Variants in NLGN1 observed in about 807,000 individuals in gnomAD.
The protein encoded by NLGN1 is neuroligin 1.
Under a neutral mutation model 65.5 loss-of-function variants are expected in NLGN1, and 12 were observed. That is an observed-to-expected ratio of 0.18 (90% CI 0.12 to 0.30). The LOEUF (loss-of-function observed/expected upper bound fraction) is 0.30, where lower values mean the gene tolerates loss of function less well. Ranked by LOEUF, NLGN1 falls within the 10% of genes least tolerant of loss-of-function variation. The pLI is 1.00. For synonymous variants in NLGN1, 350 were observed against 359.5 expected, an observed-to-expected ratio of 0.97 and a Z score of 0.30; for missense variants, 750 against 1,007.1, an observed-to-expected ratio of 0.74 and a Z score of 3.46.
At chr3:174,082,271 A>T (rs1227439598) in intron 4 of NLGN1, among the ~76,000 whole-genome samples, 2 of 152,108 alleles carry the variant, frequency 1.3e-5, no homozygotes, top group Non-Finnish European at 2.9e-5. Flanking sequence ...TGACATGACT[A>T]CCCAGCACTC....
chr3:173,941,962 T>C (rs1746174445), intron 4 of NLGN1, among the ~76,000 whole-genome samples: 2 of 152,090 alleles, frequency 1.3e-5, no homozygotes, highest in South Asian at 4.2e-4. Flanking sequence ...CCACAGATGC[T>C]ATGGGGCACT....
chr3:173,870,756 G>C (rs983868657), intron 4 of NLGN1, among the ~76,000 whole-genome samples: 7 of 152,166 alleles, frequency 4.6e-5, no homozygotes, highest in African/African-American at 1.7e-4. Context: ...AGTACACTGT[G>C]ATCGAATGAA....
At chr3:173,787,940 AG>A (rs1168274134) in intron 3 of NLGN1, among the ~76,000 whole-genome samples, 1 of 152,200 alleles carries the variant, frequency 6.6e-6, no homozygotes, top group Admixed American at 6.5e-5. Context: ...AGAACATTGA[AG>A]CTGGTGAGTA....
At chr3:173,600,223 A>ACACACACG (rs1166206429) in intron 2 of NLGN1, among the ~76,000 whole-genome samples, 17 of 151,896 alleles carry the variant, frequency 1.1e-4, no homozygotes, top group Non-Finnish European at 1.8e-4. Context: ...ACACACACAC[A>ACACACACG]CACGTGTATG....
intron 4 of NLGN1, 147 bp from the exon 5 acceptor site, chr3:174,275,168 A>ATTC (rs886459534): frequency 2.6e-5 from 16 of 621,334 alleles, no homozygotes; most frequent in African/African-American, 1.7e-4. Flanking sequence ...GCTAAAGTAA[A>ATTC]TTCTTTTGTT....
chr3:174,007,786 A>G (rs1033425394), intron 4 of NLGN1, among the ~76,000 whole-genome samples: 1 of 152,348 alleles, frequency 6.6e-6, no homozygotes, highest in Admixed American at 6.5e-5. Context: ...TGCATATCTG[A>G]ACATGCAGTT....
chr3:173,647,851 C>T (rs1758519530), intron 3 of NLGN1, among the ~76,000 whole-genome samples: 1 of 151,818 alleles, frequency 6.6e-6, no homozygotes, highest in African/African-American at 2.4e-5. Flanking sequence ...TTGTTAAAGG[C>T]CTGTATTCTG....
intron 4 of NLGN1, among the ~76,000 whole-genome samples, chr3:174,077,153 T>G (rs1398556233): frequency 6.6e-6 from 1 of 151,874 alleles, no homozygotes; most frequent in Non-Finnish European, 1.5e-5. Context: ...ACACATCGAG[T>G]GACAAATTAC....
chr3:173,736,816 T>C (rs1261670586), intron 3 of NLGN1, among the ~76,000 whole-genome samples: 1 of 152,080 alleles, frequency 6.6e-6, no homozygotes, highest in Non-Finnish European at 1.5e-5. Context: ...TTCATATACC[T>C]ACCCACTAAT....
At chr3:173,451,760 CG>C (rs1560274070) in intron 2 of NLGN1, among the ~76,000 whole-genome samples, 1 of 152,208 alleles carries the variant, frequency 6.6e-6, no homozygotes, top group Non-Finnish European at 1.5e-5. Context: ...TGGGTAATGG[CG>C]GGTGCCCCTC....
intron 4 of NLGN1, among the ~76,000 whole-genome samples, chr3:174,121,217 C>G (rs923923255): frequency 6.6e-6 from 1 of 152,174 alleles, no homozygotes; most frequent in Non-Finnish European, 1.5e-5. Flanking sequence ...CTAGTGACAG[C>G]ATTTGAAAGA....
intron 3 of NLGN1, among the ~76,000 whole-genome samples, chr3:173,684,175 CA>C (rs955062160): frequency 6.6e-6 from 1 of 151,530 alleles, no homozygotes; most frequent in African/African-American, 2.4e-5. Flanking sequence ...ATTAACTTTT[CA>C]AAAAAAATCA....
intron 3 of NLGN1, among the ~76,000 whole-genome samples, chr3:173,719,816 A>G (rs1770529506): frequency 6.6e-6 from 1 of 152,152 alleles, no homozygotes; most frequent in Non-Finnish European, 1.5e-5. Context: ...AGGTGTGCCT[A>G]AAAGTGCTGA....
chr3:174,153,385 T>G lies in NLGN1; in HGVS notation c.647-121930T>G, dbSNP rs183148584. Among the ~76,000 whole-genome samples, 2 of 152,256 alleles carry G rather than the reference T, an allele frequency of 1.3e-5. 1 individual carries two copies. The highest frequency in any genetic ancestry group is 1.3e-4 in the Admixed American group (2 of 15,260). On this transcript the variant is annotated intron_variant, in intron 4 of 6. Transcript: ENST00000457714. ...CGTGAAGGTGGACATGATATTCACT[T>G]TCCCACATACATTTAAAATACCTAT...
At chr3:173,837,901 A>T (rs1018554438) in intron 4 of NLGN1, among the ~76,000 whole-genome samples, 4 of 152,202 alleles carry the variant, frequency 2.6e-5, no homozygotes, top group Non-Finnish European at 5.9e-5. Flanking sequence ...GTTCTAGAGA[A>T]TCAGTATTAC....
chr3:173,432,105 A>G (rs935174463), intron 1 of NLGN1, among the ~76,000 whole-genome samples: 4 of 152,178 alleles, frequency 2.6e-5, no homozygotes, highest in Non-Finnish European at 5.9e-5. Flanking sequence ...GTCAATATGC[A>G]TAACAGTTTA....
chr3:173,851,450 C>A (rs1393355037), intron 4 of NLGN1, among the ~76,000 whole-genome samples: 1 of 152,090 alleles, frequency 6.6e-6, no homozygotes, highest in Admixed American at 6.6e-5. Flanking sequence ...ACATTTGACA[C>A]AATTTTTAAC....
At chr3:174,145,269 C>G (rs2152694345) in intron 4 of NLGN1, among the ~76,000 whole-genome samples, 1 of 152,212 alleles carries the variant, frequency 6.6e-6, no homozygotes, top group South Asian at 2.1e-4. Flanking sequence ...AATCACAGCA[C>G]TTTGAGAGGC....
chr3:174,008,825 T>TA (rs5854546), intron 4 of NLGN1, among the ~76,000 whole-genome samples: 131,104 of 151,286 alleles, frequency 0.87, 56,940 homozygotes, highest in East Asian at 0.97. Flanking sequence ...GGAAAGAGAT[T>TA]AAAAAAAAAT....
Sources: gnomAD v4.1 joint callset for allele counts (sites outside exome capture counted in the v4.1 genomes callset) on GRCh38, gnomAD v4.1.1 for gene constraint, MANE v1.5 for transcripts, NCBI Gene and HGNC (gene_info 2026-07-23, HGNC 2026-07-21) for gene names.